TRPM3: variants seen among roughly 807,000 people sequenced by gnomAD.
The protein encoded by TRPM3 is transient receptor potential cation channel subfamily M member 3.
Under a neutral mutation model 181.2 loss-of-function variants are expected in TRPM3, and 77 were observed. That is an observed-to-expected ratio of 0.42 (90% CI 0.35 to 0.51). The LOEUF (loss-of-function observed/expected upper bound fraction) is 0.51, where lower values mean the gene tolerates loss of function less well. TRPM3 is among the 20% of genes least tolerant of loss of function. TRPM3 has a pLI of 0.01. For missense variants in TRPM3, 1,759 were observed against 2,196.7 expected, an observed-to-expected ratio of 0.80 and a Z score of 3.98; for synonymous variants, 745 against 796.4, an observed-to-expected ratio of 0.94 and a Z score of 1.09.
chr9:70,913,240 T>C (rs1180024823), intron 1 of TRPM3, among the ~76,000 whole-genome samples: 1 of 152,206 alleles, frequency 6.6e-6, no homozygotes, highest in Non-Finnish European at 1.5e-5. Flanking sequence ...CATTCTGAGG[T>C]ATAAACTTTC....
In TRPM3 at chr9:70,831,965, A is replaced by ATATC. The variant is rs1554730419; in HGVS notation, c.802-3948_802-3947insGATA. Among the ~76,000 whole-genome samples, 60 of 64,518 alleles carry ATATC rather than the reference A, an allele frequency of 9.3e-4. 1 individual carries two copies. Among genetic ancestry groups the ATATC allele is most frequent in the East Asian group, 6.6e-3 (18 of 2,744 alleles). 42.3% of individuals were successfully genotyped at this position (64,518 alleles called of 152,430 possible). ...AAAACATTTTATGTACCCCATAAAT[A>ATATC]TATATATATATATATATATATATAT... On this transcript the variant is annotated intron_variant, in intron 5 of 25. Coordinates refer to ENST00000677713, the MANE Select transcript of TRPM3 (RefSeq NM_001366145.2).
intron 21 of TRPM3, among the ~76,000 whole-genome samples, chr9:70,593,094 T>TTAGG (rs1295325471): frequency 1.2e-4 from 19 of 152,308 alleles, no homozygotes; most frequent in African/African-American, 4.3e-4. Context: ...CTTGTATGCC[T>TTAGG]TAGGACACTG....
chr9:71,073,796 G>C (rs2063093438), intron 1 of TRPM3, among the ~76,000 whole-genome samples: 1 of 152,040 alleles, frequency 6.6e-6, no homozygotes, highest in African/African-American at 2.4e-5. Flanking sequence ...GAAAAATATT[G>C]CTGAGATAAT....
chr9:70,821,357 A>ATAGAGGCTGGATGATAGCTGTAGGGTGG (rs2093151266), intron 6 of TRPM3, among the ~76,000 whole-genome samples: 2 of 152,224 alleles, frequency 1.3e-5, no homozygotes, highest in African/African-American at 4.8e-5. Context: ...GCTGATAAAT[A>ATAGAGGCTGGATGATAGCTGTAGGGTGG]TAGAGGCTGG....
intron 1 of TRPM3, among the ~76,000 whole-genome samples, chr9:71,411,658 A>G (rs1260957079): frequency 6.6e-6 from 1 of 152,192 alleles, no homozygotes; most frequent in African/African-American, 2.4e-5. Flanking sequence ...ATATCACGAA[A>G]ATGGCCATAC....
chr9:71,041,728 T>C (rs955386270), intron 1 of TRPM3, among the ~76,000 whole-genome samples: 1 of 152,086 alleles, frequency 6.6e-6, no homozygotes, highest in Non-Finnish European at 1.5e-5. Flanking sequence ...GCCTTTATTT[T>C]CCCAGTTTCT....
intron 1 of TRPM3, among the ~76,000 whole-genome samples, chr9:71,341,511 A>T (rs539199096): frequency 2.4e-4 from 36 of 152,216 alleles, no homozygotes; most frequent in African/African-American, 8.2e-4. Context: ...TCAAGTTGAG[A>T]AACATTTTAA....
chr9:71,210,218 G>A (rs1296501909), intron 1 of TRPM3, among the ~76,000 whole-genome samples: 2 of 152,092 alleles, frequency 1.3e-5, no homozygotes, highest in Admixed American at 6.5e-5. Context: ...TCTAGGTTGC[G>A]CACTCTTTAT....
At chr9:70,659,915 G>GACTT (rs970076480) in intron 9 of TRPM3, among the ~76,000 whole-genome samples, 50 of 152,236 alleles carry the variant, frequency 3.3e-4, no homozygotes, top group Middle Eastern at 3.4e-3. Flanking sequence ...CTGATGGATC[G>GACTT]ACTTCACAGT....
chr9:71,303,063 G>A (rs554101280), intron 1 of TRPM3, among the ~76,000 whole-genome samples: 2 of 152,172 alleles, frequency 1.3e-5, no homozygotes, highest in Admixed American at 6.5e-5. Flanking sequence ...GGCAAATCTC[G>A]TTTCTTCACC....
chr9:71,128,730 A>C (rs1228335625), intron 1 of TRPM3, among the ~76,000 whole-genome samples: 1 of 152,240 alleles, frequency 6.6e-6, no homozygotes, highest in East Asian at 1.9e-4. Context: ...GGAGACATTT[A>C]AGCAGTGAAT....
At chr9:71,042,785 G>T (rs2058979517) in intron 1 of TRPM3, among the ~76,000 whole-genome samples, 1 of 152,042 alleles carries the variant, frequency 6.6e-6, no homozygotes, top group South Asian at 2.1e-4. Flanking sequence ...GTCCTTAAAA[G>T]GTTTTGAATA....
intron 1 of TRPM3, among the ~76,000 whole-genome samples, chr9:71,444,626 G>GA (rs1333570453): frequency 3.3e-5 from 5 of 152,006 alleles, no homozygotes; most frequent in South Asian, 4.1e-4. Context: ...TTAAGGGAGA[G>GA]AAAAAATCTT....
chr9:70,883,956 CA>C (rs1438859590), intron 1 of TRPM3, among the ~76,000 whole-genome samples: 1 of 152,098 alleles, frequency 6.6e-6, no homozygotes, highest in African/African-American at 2.4e-5. Context: ...CTGTGTATAT[CA>C]GGGGCAAGAT....
chr9:70,873,945 A>T (rs1439629847), intron 1 of TRPM3, among the ~76,000 whole-genome samples: 1 of 151,898 alleles, frequency 6.6e-6, no homozygotes, highest in Admixed American at 6.6e-5. Context: ...AATTCACCCT[A>T]GGGGAATAAT....
rs1222727717 is a variant in TRPM3, at chr9:70,991,208, A to G, written c.178-126697T>C. Among the ~76,000 whole-genome samples the G allele has an allele frequency of 3.9e-5, 6 of 152,226 alleles. No homozygotes were observed. The East Asian group carries it at 1.2e-3, about 29-fold the overall frequency. ...ATTCATGGATAGAATTCAGTGGTCC[A>G]TGAACTTGCATAAACATTGTCTTTA... On this transcript the variant is annotated intron_variant, in intron 1 of 25. Coordinates refer to ENST00000677713, the MANE Select transcript of TRPM3 (RefSeq NM_001366145.2).
chr9:71,108,889 G>T (rs2070379843), intron 1 of TRPM3, among the ~76,000 whole-genome samples: 1 of 152,116 alleles, frequency 6.6e-6, no homozygotes, highest in Non-Finnish European at 1.5e-5. Flanking sequence ...CCAGAGATTT[G>T]GTCAAACATT....
chr9:70,903,888 T>G (rs912240388), intron 1 of TRPM3, among the ~76,000 whole-genome samples: 6 of 152,184 alleles, frequency 3.9e-5, no homozygotes, highest in African/African-American at 1.2e-4. Flanking sequence ...TTCTCTGGAA[T>G]GTAGAATTGT....
At chr9:70,844,172 G>T (rs1228362031) in intron 4 of TRPM3, among the ~76,000 whole-genome samples, 2 of 152,106 alleles carry the variant, frequency 1.3e-5, no homozygotes, top group African/African-American at 4.8e-5. Flanking sequence ...CTAGAGGAAG[G>T]GCTCAGACAC....
Sources: gnomAD v4.1 joint callset for allele counts (sites outside exome capture counted in the v4.1 genomes callset) on GRCh38, gnomAD v4.1.1 for gene constraint, MANE v1.5 for transcripts, NCBI Gene and HGNC (gene_info 2026-07-23, HGNC 2026-07-21) for gene names.